CTNNA2: variants seen among roughly 807,000 people sequenced by gnomAD.
CTNNA2 encodes the protein catenin alpha 2, also known as catenin alpha-2.
Under a neutral mutation model 101.0 loss-of-function variants are expected in CTNNA2, and 42 were observed. The ratio of observed to expected loss-of-function variants is 0.42; its 90% CI spans 0.32 to 0.54. CTNNA2 has a LOEUF of 0.54. Among genes scored for constraint, CTNNA2 ranks in the 20% least tolerant of loss-of-function variants. The probability of loss-of-function intolerance (pLI) is 0.14; values close to 1 mark genes in which losing one functional copy is unlikely to be tolerated. For missense variants in CTNNA2, 871 were observed against 1,223.1 expected, an observed-to-expected ratio of 0.71 and a Z score of 4.29; for synonymous variants, 450 against 456.4, an observed-to-expected ratio of 0.99 and a Z score of 0.18.
At chr2:80,592,309 A>G (rs78470566) in intron 15 of CTNNA2, among the ~76,000 whole-genome samples, 2,196 of 152,148 alleles carry the variant, frequency 0.014, 51 homozygotes, top group African/African-American at 0.05. Flanking sequence ...CCAATTCTCT[A>G]CTCATCCAGG....
intron 7 of CTNNA2, among the ~76,000 whole-genome samples, chr2:80,108,563 G>A: frequency 6.6e-6 from 1 of 152,112 alleles, no homozygotes; most frequent in East Asian, 1.9e-4. Context: ...TGTGTCCCAG[G>A]CAAATATTAT....
At chr2:79,940,802 A>G (rs1180183030) in intron 7 of CTNNA2, among the ~76,000 whole-genome samples, 2 of 152,254 alleles carry the variant, frequency 1.3e-5, no homozygotes, top group African/African-American at 4.8e-5. Context: ...AGCCTATTTT[A>G]TAACAAAATG....
intron 7 of CTNNA2, among the ~76,000 whole-genome samples, chr2:79,953,092 A>G (rs1344321097): frequency 6.6e-6 from 1 of 152,174 alleles, no homozygotes; most frequent in Non-Finnish European, 1.5e-5. Context: ...AGCGATTGAC[A>G]TCGAGGCATG....
At chr2:80,184,917 T>A (rs1706019419) in intron 7 of CTNNA2, among the ~76,000 whole-genome samples, 1 of 152,222 alleles carries the variant, frequency 6.6e-6, no homozygotes, top group South Asian at 2.1e-4. Context: ...AAACATCCTA[T>A]CAGCACATCC....
chr2:79,580,184 G>A (rs1676063213), intron 1 of CTNNA2, among the ~76,000 whole-genome samples: 1 of 152,066 alleles, frequency 6.6e-6, no homozygotes, highest in Admixed American at 6.5e-5. Flanking sequence ...CTCCAGATGG[G>A]AGATTGTCCT....
intron 7 of CTNNA2, among the ~76,000 whole-genome samples, chr2:80,191,738 A>G (rs1706517703): frequency 6.6e-6 from 1 of 152,122 alleles, no homozygotes. Flanking sequence ...GGGAAGAGTG[A>G]GTTATTACGT....
chr2:79,821,776 T>C (rs1678027152), intron 3 of CTNNA2, among the ~76,000 whole-genome samples: 2 of 152,140 alleles, frequency 1.3e-5, no homozygotes, highest in African/African-American at 4.8e-5. Flanking sequence ...ATAGAACATA[T>C]GGAACAAGAA....
chr2:79,675,170 G>T (rs1389117077), intron 2 of CTNNA2, among the ~76,000 whole-genome samples: 2 of 152,136 alleles, frequency 1.3e-5, no homozygotes, highest in Non-Finnish European at 2.9e-5. Flanking sequence ...AAACTGAATT[G>T]ATTTCTTTAC....
At chr2:79,306,045 C>CAAAAAAAAAAAA (rs60219150) in intron 2 of CTNNA2, among the ~76,000 whole-genome samples, 1 of 80,132 alleles carries the variant, frequency 1.2e-5, no homozygotes, top group Non-Finnish European at 2.6e-5. Context: ...GACACCATTT[C>CAAAAAAAAAAAA]AAAAAAAAAA....
chr2:80,273,443 C>A (rs1020649879), intron 7 of CTNNA2, among the ~76,000 whole-genome samples: 1 of 152,126 alleles, frequency 6.6e-6, no homozygotes, highest in African/African-American at 2.4e-5. Flanking sequence ...TTCACCATTG[C>A]CCTTTCAGTT....
intron 7 of CTNNA2, among the ~76,000 whole-genome samples, chr2:79,947,163 A>T (rs2104477575): frequency 6.6e-6 from 1 of 152,336 alleles, no homozygotes; most frequent in East Asian, 1.9e-4. Context: ...TTAGTATGTT[A>T]AAATAAATTG....
intron 13 of CTNNA2, among the ~76,000 whole-genome samples, chr2:80,578,071 T>C (rs1293972641): frequency 6.6e-6 from 1 of 152,134 alleles, no homozygotes; most frequent in African/African-American, 2.4e-5. Context: ...GGTGAACGGG[T>C]CCTGTTTTGC....
intron 3 of CTNNA2, among the ~76,000 whole-genome samples, chr2:79,768,188 G>A (rs886649468): frequency 6.6e-6 from 1 of 151,710 alleles, no homozygotes; most frequent in South Asian, 2.1e-4. Context: ...ACAGCACTGA[G>A]TTCATTTCCT....
At chr2:80,272,967 G>T (rs757650299) in intron 7 of CTNNA2, among the ~76,000 whole-genome samples, 30 of 152,218 alleles carry the variant, frequency 2.0e-4, no homozygotes, top group Non-Finnish European at 4.0e-4. Context: ...ATCTCTGTTG[G>T]TAGAACTTTG....
At chr2:79,310,346 C>G (rs968106887) in intron 2 of CTNNA2, among the ~76,000 whole-genome samples, 6 of 151,706 alleles carry the variant, frequency 4.0e-5, no homozygotes, top group Non-Finnish European at 8.8e-5. Context: ...ATAGTTTGGA[C>G]AGTTCACTTT....
chr2:79,957,412 G>A lies in CTNNA2; in HGVS notation c.1056+47615G>A, dbSNP rs116787892. 1.0e-3 allele frequency among the ~76,000 whole-genome samples: 158 copies of A among 152,254 alleles called. 3 individuals are homozygous for A. The highest frequency in any genetic ancestry group is 3.5e-3 in the African/African-American group (147 of 41,540). ...GCACCAGCAGGAGATGGAGGAGGGC[G>A]CAAGGAGAGAGAACACAGTACTTCT... On this transcript the variant is annotated intron_variant, in intron 7 of 18. Transcript: ENST00000402739.
chr2:80,307,481 G>GA (rs746800497), intron 7 of CTNNA2, among the ~76,000 whole-genome samples: 133 of 150,194 alleles, frequency 8.9e-4, no homozygotes, highest in Middle Eastern at 3.4e-3. Flanking sequence ...AGGAAAAAAA[G>GA]AAAAAAAAAG....
chr2:80,244,466 T>G (rs1671177103), intron 7 of CTNNA2, among the ~76,000 whole-genome samples: 2 of 152,348 alleles, frequency 1.3e-5, no homozygotes, highest in Admixed American at 6.5e-5. Context: ...AGTCAAGCGT[T>G]TTGTTCATGG....
chr2:80,410,590 T>C (rs764780212), intron 8 of CTNNA2, among the ~76,000 whole-genome samples: 1 of 152,214 alleles, frequency 6.6e-6, no homozygotes, highest in Non-Finnish European at 1.5e-5. Context: ...ATTTTGGTCT[T>C]CTAGCTTATG....
Sources: gnomAD v4.1 joint callset for allele counts (sites outside exome capture counted in the v4.1 genomes callset) on GRCh38, gnomAD v4.1.1 for gene constraint, MANE v1.5 for transcripts, NCBI Gene and HGNC (gene_info 2026-07-23, HGNC 2026-07-21) for gene names.